The following COG2 variants were observed in gnomAD, a reference collection of about 807,000 sequenced individuals.
COG2 encodes component of oligomeric golgi complex 2, also known as conserved oligomeric Golgi complex subunit 2.
COG2 carries 52 observed loss-of-function variants against 90.6 expected under a neutral mutation model. The observed-to-expected ratio is 0.57, with a 90% confidence interval of 0.46 to 0.72. The LOEUF (loss-of-function observed/expected upper bound fraction) is 0.72, where lower values mean the gene tolerates loss of function less well. COG2 is among the 30% of genes least tolerant of loss of function. The pLI is 0.00. For synonymous variants in COG2, 337 were observed against 320.4 expected (o/e 1.05, Z -0.55); for missense variants, 829 against 891.2 (o/e 0.93, Z 0.89).
chr1:230,657,313 CT>C (rs1352546600), intron 1 of COG2, among the ~76,000 whole-genome samples: 1 of 152,106 alleles, frequency 6.6e-6, no homozygotes, highest in African/African-American at 2.4e-5. Context: ...TTTATTTCTC[CT>C]TTGCTTATGA....
intron 1 of COG2, among the ~76,000 whole-genome samples, chr1:230,650,752 G>A (rs111400169): frequency 0.022 from 3,288 of 152,178 alleles, 111 homozygotes; most frequent in African/African-American, 0.075. Context: ...TGAGGTCTTA[G>A]TCATAAATCC....
chr1:230,644,861 T>C (rs1661722387), intron 1 of COG2, among the ~76,000 whole-genome samples: 1 of 152,178 alleles, frequency 6.6e-6, no homozygotes, highest in Non-Finnish European at 1.5e-5. Context: ...GGCGGGAGGC[T>C]ACTTAAAAAG....
intron 5 of COG2, 120 bp downstream of exon 5, chr1:230,664,707 A>T (rs932821998): frequency 1.9e-6 from 1 of 530,410 alleles, no homozygotes. Context: ...TAGTGTTTTT[A>T]AATGTAGCTC....
intron 9 of COG2, among the ~76,000 whole-genome samples, chr1:230,675,890 T>C (rs1662580533): frequency 6.6e-6 from 1 of 152,226 alleles, no homozygotes; most frequent in East Asian, 1.9e-4. Flanking sequence ...CCTAGCCTCA[T>C]GCACTCCTTC....
At chr1:230,664,682 T>TA (rs1184327490) in intron 5 of COG2, 95 bp downstream of exon 5, 2 of 594,226 alleles carry the variant, frequency 3.4e-6, no homozygotes, top group Non-Finnish European at 5.8e-6. Flanking sequence ...AAGAAGAAAA[T>TA]CCCAGTCTAT....
At chr1:230,669,615 A>AG in intron 7 of COG2, 80 bp downstream of exon 7, 1 of 1,218,272 alleles carries the variant, frequency 8.2e-7, no homozygotes, top group Non-Finnish European at 1.1e-6. Context: ...GAAGATAAGA[A>AG]GAGAGAACAG....
intron 7 of COG2, chr1:230,670,905 G>T (rs912103992): frequency 6.6e-6 from 1 of 151,324 alleles, no homozygotes; most frequent in African/African-American, 2.4e-5. Flanking sequence ...GATCCACTGC[G>T]CCCAACCGAT....
intron 9 of COG2, chr1:230,678,373 A>ACCC (rs2102765447): frequency 2.0e-6 from 2 of 985,392 alleles, no homozygotes. Context: ...TAAATAAGAC[A>ACCC]ATTCTAATCA....
At chr1:230,675,172 C>T (rs1457415135) in intron 9 of COG2, 48 bp downstream of exon 9, 1 of 1,575,510 alleles carries the variant, frequency 6.3e-7, no homozygotes. Flanking sequence ...TAACCGGAGA[C>T]TGGAGAAATA....
intron 5 of COG2, 141 bp downstream of exon 5, chr1:230,664,728 G>T (rs1662276693): frequency 1.9e-6 from 1 of 513,106 alleles, no homozygotes; most frequent in Non-Finnish European, 3.4e-6. Flanking sequence ...AAGCAAAGCA[G>T]AGTGCATGAA....
chr1:230,671,366 T>A (rs1389616758), intron 7 of COG2, 150 bp from the exon 8 acceptor site: 2 of 609,720 alleles, frequency 3.3e-6, no homozygotes, highest in African/African-American at 1.9e-5. Context: ...TGACCTGTTA[T>A]TTACTTCACT....
At chr1:230,681,289 C>G (rs1260674945) in intron 10 of COG2, 1 of 152,184 alleles carries the variant, frequency 6.6e-6, no homozygotes, top group South Asian at 2.1e-4. Context: ...TTTCAGTTTG[C>G]TGTTCTTTTT....
At chr1:230,663,400 T>C (rs1282790986) in intron 4 of COG2, among the ~76,000 whole-genome samples, 179 bp downstream of exon 4, 1 of 152,072 alleles carries the variant, frequency 6.6e-6, no homozygotes, top group East Asian at 1.9e-4. Flanking sequence ...ATTTATTAGA[T>C]GTATTTATGT....
chr1:230,657,280 G>C (rs1662082166), intron 1 of COG2, among the ~76,000 whole-genome samples: 1 of 152,144 alleles, frequency 6.6e-6, no homozygotes, highest in South Asian at 2.1e-4. Flanking sequence ...AAATCTCTCA[G>C]CATTTGCCTG....
intron 9 of COG2, among the ~76,000 whole-genome samples, chr1:230,675,673 T>TA (rs1216753784): frequency 1.3e-5 from 2 of 152,134 alleles, no homozygotes; most frequent in African/African-American, 4.8e-5. Context: ...AACAGGGTCT[T>TA]ACTGTGTTGC....
chr1:230,654,311 C>T lies in COG2; in HGVS notation c.73-5153C>T, dbSNP rs1239767624. ...TTTGTACAAGGTGTAAGGAAGGGGT[C>T]CAGTTTCAGTTTTCTGCATATGGCT... On this transcript the variant is annotated intron_variant, in intron 1 of 17. Transcript: ENST00000366669. Among the ~76,000 whole-genome samples the T allele has an allele frequency of 3.3e-5, 5 of 152,068 alleles. No homozygotes were observed. The East Asian group carries it at 9.6e-4, about 29-fold the overall frequency.
Position 230,642,503 on chromosome 1 carries a change from C to T in COG2, c.-104C>T, listed in dbSNP as rs574196227. On this transcript the variant is annotated 5_prime_UTR_variant, in exon 1 of 18. Transcript: ENST00000366669. ...GCCATGTTGGCGGAAGCGGACCCCC[C>T]TGTGCCGTGGAAACTGGCGGTGGCC... 11 of 1,132,572 alleles carry T rather than the reference C, an allele frequency of 9.7e-6. No individual in the cohort carries two copies. The highest frequency in any genetic ancestry group is 2.9e-5 in the South Asian group (2 of 69,450). The allele number at this position is 1,132,572 out of a possible 1,614,324, so 70.2% of individuals were successfully genotyped here.
At chr1:230,671,474 C>T in intron 7 of COG2, 42 bp from the exon 8 acceptor site, 2 of 1,560,668 alleles carry the variant, frequency 1.3e-6, no homozygotes, top group Non-Finnish European at 8.7e-7. Flanking sequence ...TTTGTACTTC[C>T]CTTTTAAATG....
rs145986271 is a variant in COG2, at chr1:230,676,437, G to T, written c.1026+1313G>T. 2.4e-4 allele frequency among the ~76,000 whole-genome samples: 37 copies of T among 152,152 alleles called. 4 individuals carry two copies. The highest frequency in any genetic ancestry group is 8.9e-4 in the African/African-American group (37 of 41,494). On this transcript the variant is annotated intron_variant, in intron 9 of 17. Coordinates refer to ENST00000366669, the MANE Select transcript of COG2 (RefSeq NM_007357.3). Reference sequence around the variant, plus strand: ...GAATCTAAAGTTGATTTATGTTCTCGAGCCTTCTCCTGGACAATACGCGGA... The same window carrying T: ...GAATCTAAAGTTGATTTATGTTCTCTAGCCTTCTCCTGGACAATACGCGGA...
Sources: allele counts gnomAD v4.1 joint callset (sites outside exome capture counted in the v4.1 genomes callset), GRCh38; gene constraint gnomAD v4.1.1; transcripts MANE v1.5; gene names NCBI Gene and HGNC (gene_info 2026-07-23, HGNC 2026-07-21).